CDC42BPG: variants seen among roughly 807,000 people sequenced by gnomAD.
CDC42BPG encodes serine/threonine-protein kinase MRCK gamma.
In CDC42BPG, 157 loss-of-function variants were observed where a neutral mutation model predicts 192.2. The ratio of observed to expected loss-of-function variants is 0.82; its 90% confidence interval spans 0.72 to 0.93. The LOEUF is 0.93. Ranked by LOEUF, CDC42BPG falls within the 40% of genes least tolerant of loss-of-function variation. The pLI is 0.00. For missense variants in CDC42BPG, 1,992 were observed against 2,122.1 expected, an observed-to-expected ratio of 0.94 and a Z score of 1.20; for synonymous variants, 981 against 918.5, an observed-to-expected ratio of 1.07 and a Z score of -1.23.
At chr11:64,839,448 C>A in intron 6 of CDC42BPG, 30 bp downstream of exon 6, 1 of 1,609,676 alleles carries the variant, frequency 6.2e-7, no homozygotes, top group Non-Finnish European at 8.5e-7. Flanking sequence ...CCTTGTATCC[C>A]CTGCTCCCAC....
chr11:64,838,044 C>G, intron 9 of CDC42BPG, 39 bp downstream of exon 9: 1 of 1,531,750 alleles, frequency 6.5e-7, no homozygotes, highest in South Asian at 1.2e-5. Context: ...GGTCAGGCAA[C>G]CCCGAGCCTC....
chr11:64,831,464 C>A, intron 28 of CDC42BPG, 41 bp downstream of exon 28: 1 of 1,550,168 alleles, frequency 6.5e-7, no homozygotes, highest in African/African-American at 1.3e-5. Flanking sequence ...AGCACTCCCG[C>A]AGGCCTGAAC....
chr11:64,824,339 G>A lies in CDC42BPG; in HGVS notation c.*134C>T. Reference sequence around the variant, plus strand: ...CCTGGGAACCCAGGCAAGTCTCCCAGTCATTGCCCAGCCCGGGTCCTCCCT... The same window carrying A: ...CCTGGGAACCCAGGCAAGTCTCCCAATCATTGCCCAGCCCGGGTCCTCCCT... On this transcript the variant is annotated 3_prime_UTR_variant, in exon 37 of 37. Coordinates refer to ENST00000342711, the MANE Select transcript of CDC42BPG (RefSeq NM_017525.3). The A allele has an allele frequency of 1.3e-6, 1 of 770,184 alleles. No homozygotes were observed. Among genetic ancestry groups the A allele is most frequent in the South Asian group, 1.4e-5 (1 of 71,450 alleles). The allele number at this position is 770,184 out of a possible 1,614,324, so 47.7% of individuals were successfully genotyped here.
chr11:64,838,227 A>G, intron 8 of CDC42BPG, 65 bp from the exon 9 acceptor site: 6 of 1,335,268 alleles, frequency 4.5e-6, no homozygotes, highest in Non-Finnish European at 6.2e-6. Flanking sequence ...AAGGCCCAGG[A>G]GCCCCCTGGG....
intron 36 of CDC42BPG, among the ~76,000 whole-genome samples, chr11:64,825,421 G>A (rs1315077634): frequency 6.6e-6 from 1 of 152,168 alleles, no homozygotes; most frequent in Non-Finnish European, 1.5e-5. Context: ...CCAGCCCCAG[G>A]GAGGCAATGA....
rs1565683482 is a variant in CDC42BPG, at chr11:64,834,411, G to T, written c.2324+18C>A. On this transcript the variant is annotated intron_variant, in intron 19 of 36. Transcript: ENST00000342711. ...CTCTGTGCGGGCCCTGGCCCCCAGT[G>T]CCTGCCCCTAGCCTCACCGCTCAGC... 6.4e-7 allele frequency: 1 copy of T among 1,562,066 alleles called. No individual in the cohort carries two copies. The highest frequency in any genetic ancestry group is 8.7e-7 in the Non-Finnish European group (1 of 1,155,506).
chr11:64,839,824 G>A (rs1051080166), intron 5 of CDC42BPG, among the ~76,000 whole-genome samples: 3 of 152,240 alleles, frequency 2.0e-5, no homozygotes, highest in Admixed American at 6.5e-5. Context: ...TATGGGGGAC[G>A]CAGGAGTCAG....
In CDC42BPG at chr11:64,833,198, C is replaced by T. The variant is rs373108535; in HGVS notation, c.2731+33G>A. On this transcript the variant is annotated intron_variant, in intron 24 of 36. Transcript: ENST00000342711. ...TATGCCAGGGCCACACACCTGGGAC[C>T]GTGGCTGGAGCATAGTGGGTGGGGA... is the stretch of plus-strand genomic sequence containing the variant. 1,426 of 1,482,326 alleles carry T rather than the reference C, an allele frequency of 9.6e-4. 4 individuals carry two copies. The highest frequency in any genetic ancestry group is 1.2e-3 in the Non-Finnish European group (1,277 of 1,086,232). The allele number at this position is 1,482,326 out of a possible 1,614,324, so 91.8% of individuals were successfully genotyped here.
At position 64,826,930 on chromosome 11, in the gene CDC42BPG, T is replaced by C; in HGVS notation, c.4389+120A>G. On this transcript the variant is annotated intron_variant, in intron 34 of 36. Transcript: ENST00000342711. ...TTACTTAAGTCCCAGGTAGCAGAAGTGTGAGTCCCAGGCCTTAGGAGTAAT... is the reference window on the plus strand; with the variant it reads ...TTACTTAAGTCCCAGGTAGCAGAAGCGTGAGTCCCAGGCCTTAGGAGTAAT... 3.4e-6 allele frequency: 4 copies of C among 1,173,996 alleles called. No homozygotes were observed. The East Asian group carries it at 9.4e-5, about 28-fold the overall frequency. 72.7% of individuals were successfully genotyped at this position (1,173,996 alleles called of 1,614,324 possible).
intron 4 of CDC42BPG, 85 bp downstream of exon 4, chr11:64,840,468 C>T: frequency 1.4e-6 from 2 of 1,477,256 alleles, no homozygotes; most frequent in Non-Finnish European, 1.9e-6. Context: ...AGAGGGGTCT[C>T]TCTTTGGGCC....
chr11:64,843,621 G>A (rs1943377027), intron 1 of CDC42BPG, among the ~76,000 whole-genome samples: 1 of 152,186 alleles, frequency 6.6e-6, no homozygotes, highest in African/African-American at 2.4e-5. Context: ...GGCCCGGCAG[G>A]GTGTGACCAG....
At chr11:64,841,351 G>A (rs1173666766) in intron 3 of CDC42BPG, among the ~76,000 whole-genome samples, 4 of 151,576 alleles carry the variant, frequency 2.6e-5, no homozygotes. Context: ...TACTCGGGAG[G>A]CTGAGGCAGG....
intron 28 of CDC42BPG, 21 bp from the exon 29 acceptor site, chr11:64,830,277 G>GT (rs766687356): frequency 6.3e-7 from 1 of 1,584,626 alleles, no homozygotes; most frequent in South Asian, 1.1e-5. Context: ...GAGGCAGAGG[G>GT]TCAGAGGTCA....
At chr11:64,833,010 C>T (rs1474207754) in intron 24 of CDC42BPG, 51 bp from the exon 25 acceptor site, 3 of 1,490,098 alleles carry the variant, frequency 2.0e-6, no homozygotes. Context: ...AGGGGACAGC[C>T]CCAAACCAGG....
chr11:64,836,302 G>A lies in CDC42BPG; in HGVS notation c.1489-6C>T. 6.2e-7 allele frequency: 1 copy of A among 1,607,818 alleles called. No homozygotes were observed. The highest frequency in any genetic ancestry group is 8.5e-7 in the Non-Finnish European group (1 of 1,178,074). On this transcript the variant is annotated splice_region_variant and splice_polypyrimidine_tract_variant and intron_variant, in intron 12 of 36. Transcript: ENST00000342711. ...GCCCGACCCTCGGCCAGCTCCTGAG[G>A]AGGCAGGGGAGGGAGCGGGGAAGGA...
At position 64,829,751 on chromosome 11, in the gene CDC42BPG, C is replaced by T; in HGVS notation, c.3687G>A (p.Gln1229=). ...IRELQAPATV[Q]SLGLLGDRLC... is the part of the protein sequence containing the mutation. ...GCCGGTCGCCCAGCAGCCCCAGGCT[C>T]TGCACAGTGGCAGGTGCCTGCAGCT... Residue 1229 remains glutamine, a synonymous_variant, in exon 30 of 37, where the codon CAG becomes CAA. Transcript: ENST00000342711. 1 of 1,606,376 alleles carries T rather than the reference C, an allele frequency of 6.2e-7. No homozygotes were observed. The highest frequency in any genetic ancestry group is 8.5e-7 in the Non-Finnish European group (1 of 1,177,332).
In CDC42BPG at chr11:64,834,867, C is replaced by T. The variant is rs760625146; in HGVS notation, c.2157G>A (p.Thr719=). 3.1e-6 allele frequency: 5 copies of T among 1,613,198 alleles called. No homozygotes were observed. The highest frequency in any genetic ancestry group is 2.7e-5 in the African/African-American group (2 of 74,930). The change falls in exon 18 of 37, where the codon ACG becomes ACA. Residue 719 remains threonine (T), a synonymous_variant. Transcript: ENST00000342711. ...LESLRNVGTQ[T]LPARPLDHQW... Reference sequence around the variant, plus strand: ...GGCTCACCAGTGGCCGGGCAGGGAGCGTCTGGGTGCCTACGTTCCTCAAGG... The same window carrying T: ...GGCTCACCAGTGGCCGGGCAGGGAGTGTCTGGGTGCCTACGTTCCTCAAGG...
rs1166739421 is a variant in CDC42BPG at position 64,832,641 on chromosome 11, G to T, written c.2968C>A (p.Pro990Thr). The T allele has an allele frequency of 6.2e-7, 1 of 1,613,808 alleles. No homozygotes were observed. Among genetic ancestry groups the T allele is most frequent in the Non-Finnish European group, 8.5e-7 (1 of 1,179,994 alleles). Residue 990 changes from proline to threonine, a missense_variant, in exon 26 of 37, where the codon CCG becomes ACG. Pro to Thr is a conservative substitution (Grantham distance 38). Coordinates refer to ENST00000342711, the MANE Select transcript of CDC42BPG (RefSeq NM_017525.3). ...ACCTGCAGGAGGGCCCCACTGGGCGGGCTGAGCCTCAGGTCAGGGGCGTCA... is the reference window on the plus strand; with the variant it reads ...ACCTGCAGGAGGGCCCCACTGGGCGTGCTGAGCCTCAGGTCAGGGGCGTCA... ...LFDAPDLRLS[P>T]PSGALLQVLD...
chr11:64,831,352 C>T (rs1020582485), intron 28 of CDC42BPG, among the ~76,000 whole-genome samples, 153 bp downstream of exon 28: 1 of 152,182 alleles, frequency 6.6e-6, no homozygotes, highest in African/African-American at 2.4e-5. Flanking sequence ...CCCAGCCATG[C>T]ACACAGGAGG....
Sources: allele counts gnomAD v4.1 joint callset (sites outside exome capture counted in the v4.1 genomes callset), GRCh38; gene constraint gnomAD v4.1.1; transcripts MANE v1.5; gene names NCBI Gene and HGNC (gene_info 2026-07-23, HGNC 2026-07-21).